RIC8B: variants seen among roughly 807,000 people sequenced by gnomAD.
RIC8B encodes the protein RIC8 guanine nucleotide exchange factor B.
Under a neutral mutation model 57.5 loss-of-function variants are expected in RIC8B, and 16 were observed. The observed-to-expected ratio is 0.28, with a 90% CI of 0.19 to 0.42. The LOEUF (loss-of-function observed/expected upper bound fraction) is 0.42, where lower values mean the gene tolerates loss of function less well. RIC8B is among the 10% of genes least tolerant of loss of function. RIC8B has a pLI of 1.00. For missense variants in RIC8B, 481 were observed against 677.0 expected (o/e 0.71, Z 3.21); for synonymous variants, 216 against 250.8 (o/e 0.86, Z 1.31).
chr12:106,779,692 T>TTA (rs1250781432), intron 1 of RIC8B, among the ~76,000 whole-genome samples: 1 of 151,332 alleles, frequency 6.6e-6, no homozygotes, highest in African/African-American at 2.4e-5. Context: ...TTTTTTTTTT[T>TTA]TTTTTTCAGA....
intron 2 of RIC8B, among the ~76,000 whole-genome samples, chr12:106,805,517 A>C (rs1051784539): frequency 7.2e-5 from 11 of 152,002 alleles, no homozygotes; most frequent in African/African-American, 2.4e-4. Context: ...AACAAAAAAA[A>C]CCCTGTAATT....
chr12:106,792,517 G>T (rs553126898), intron 2 of RIC8B, among the ~76,000 whole-genome samples: 23 of 152,294 alleles, frequency 1.5e-4, no homozygotes, highest in South Asian at 4.1e-4. Context: ...ACAGTGTGAA[G>T]ATCTCTACAG....
At chr12:106,856,532 T>C (rs1380338047) in intron 7 of RIC8B, among the ~76,000 whole-genome samples, 1 of 152,232 alleles carries the variant, frequency 6.6e-6, no homozygotes, top group Non-Finnish European at 1.5e-5. Context: ...TTTGTTACCA[T>C]GGCGAGCTTT....
chr12:106,840,156 T>C (rs2046804783), intron 4 of RIC8B, among the ~76,000 whole-genome samples: 1 of 152,244 alleles, frequency 6.6e-6, no homozygotes, highest in South Asian at 2.1e-4. Flanking sequence ...GCAAGATTTA[T>C]TAACAGCTAT....
intron 2 of RIC8B, among the ~76,000 whole-genome samples, chr12:106,811,956 A>G (rs1025220418): frequency 1.3e-5 from 2 of 152,214 alleles, no homozygotes; most frequent in African/African-American, 4.8e-5. Context: ...TGCCTTTTCA[A>G]CCACTTTTAT....
intron 2 of RIC8B, among the ~76,000 whole-genome samples, chr12:106,806,175 G>T (rs571431729): frequency 2.6e-5 from 4 of 152,142 alleles, no homozygotes; most frequent in Non-Finnish European, 5.9e-5. Context: ...TCGAACTCCC[G>T]ACCTCAGGTG....
At position 106,879,409 on chromosome 12, in the gene RIC8B, G is replaced by A. The variant is rs185433131; in HGVS notation, c.1572-6495G>A. 2.8e-3 allele frequency: 2,731 copies of A among 985,146 alleles called. 6 individuals are homozygous for A. Among genetic ancestry groups the A allele is most frequent in the Middle Eastern group, 0.012 (23 of 1,914 alleles). The allele number at this position is 985,146 out of a possible 1,614,324, so 61.0% of individuals were successfully genotyped here. On this transcript the variant is annotated intron_variant, in intron 9 of 9. Coordinates refer to ENST00000392837, the MANE Select transcript of RIC8B (RefSeq NM_001330145.2). This position sits in a 1 kb window ranked among gnomAD's most constrained non-coding sequence, Gnocchi z 4.9. ...ATTTTTGGGGGAAAGAGTCATATAG[G>A]AACCAGAAGCCCTAAAAAGCAGAAC...
chr12:106,862,173 A>T (rs758050166), intron 8 of RIC8B, among the ~76,000 whole-genome samples: 1 of 151,978 alleles, frequency 6.6e-6, no homozygotes, highest in Admixed American at 6.6e-5. Flanking sequence ...CAGCCTTTGG[A>T]CTTTGCTTAT....
rs184510840 is a variant in RIC8B, at chr12:106,775,350, C to T, written c.84+521C>T. The T allele has an allele frequency of 9.6e-4, 437 of 456,060 alleles. 1 individual carries two copies. Among genetic ancestry groups the T allele is most frequent in the Non-Finnish European group, 1.7e-3 (376 of 226,802 alleles). 28.3% of individuals were successfully genotyped at this position (456,060 alleles called of 1,614,324 possible). On this transcript the variant is annotated intron_variant, in intron 1 of 9. Transcript: ENST00000392837. ...GTGTTTATAGGGTAGATGGTATCAT[C>T]CTCCCCATTTTATAGATGAGGAAAC...
chr12:106,779,595 A>T (rs1385754904), intron 1 of RIC8B, among the ~76,000 whole-genome samples: 1 of 151,886 alleles, frequency 6.6e-6, no homozygotes, highest in Non-Finnish European at 1.5e-5. Context: ...TGGTATACAA[A>T]TAGTTGTACT....
chr12:106,780,071 C>G (rs539924841), intron 1 of RIC8B, among the ~76,000 whole-genome samples: 1 of 152,116 alleles, frequency 6.6e-6, no homozygotes, highest in South Asian at 2.1e-4. Context: ...TCATGATTAT[C>G]AACAACAAAC....
intron 7 of RIC8B, among the ~76,000 whole-genome samples, chr12:106,856,449 C>T (rs1468448762): frequency 1.3e-5 from 2 of 152,172 alleles, no homozygotes; most frequent in African/African-American, 4.8e-5. Flanking sequence ...CCTGATTATA[C>T]TGCACCATTT....
chr12:106,788,055 G>A (rs1333763581), intron 2 of RIC8B, among the ~76,000 whole-genome samples: 1 of 152,132 alleles, frequency 6.6e-6, no homozygotes, highest in African/African-American at 2.4e-5. Flanking sequence ...AGATACAGTG[G>A]GGGTACAGGC....
intron 6 of RIC8B, among the ~76,000 whole-genome samples, chr12:106,850,837 C>A (rs1184372003): frequency 1.3e-5 from 2 of 152,162 alleles, no homozygotes; most frequent in East Asian, 3.9e-4. Flanking sequence ...GCTCCCAAAT[C>A]TGCAACTTTT....
At chr12:106,794,763 G>A (rs957640154) in intron 2 of RIC8B, among the ~76,000 whole-genome samples, 8 of 152,132 alleles carry the variant, frequency 5.3e-5, no homozygotes, top group African/African-American at 1.4e-4. Flanking sequence ...CACCTTACAA[G>A]ACTTAATAAA....
At chr12:106,840,049 G>A (rs2046800949) in intron 4 of RIC8B, among the ~76,000 whole-genome samples, 1 of 151,998 alleles carries the variant, frequency 6.6e-6, no homozygotes, top group Non-Finnish European at 1.5e-5. Context: ...AGGGCAAAAG[G>A]AAAATCTTTT....
chr12:106,849,431 G>A (rs998806401), intron 6 of RIC8B, among the ~76,000 whole-genome samples: 5 of 150,078 alleles, frequency 3.3e-5, no homozygotes, highest in Non-Finnish European at 7.4e-5. Flanking sequence ...GGGATTACAG[G>A]TGTGAGCTAC....
chr12:106,783,508 G>A (rs2043858645), intron 1 of RIC8B, among the ~76,000 whole-genome samples: 1 of 152,144 alleles, frequency 6.6e-6, no homozygotes, highest in Admixed American at 6.5e-5. Context: ...CAGCAGCATC[G>A]GAAGGCCCTT....
chr12:106,871,780 G>A (rs2136604127), intron 9 of RIC8B, among the ~76,000 whole-genome samples: 1 of 152,266 alleles, frequency 6.6e-6, no homozygotes, highest in Non-Finnish European at 1.5e-5. Flanking sequence ...CACAGTAACT[G>A]TGTAAAGGCT....
Sources: gnomAD v4.1 joint callset for allele counts (sites outside exome capture counted in the v4.1 genomes callset) on GRCh38, gnomAD v4.1.1 for gene constraint, Gnocchi (gnomAD v3.1) non-coding constraint, MANE v1.5 for transcripts, NCBI Gene and HGNC (gene_info 2026-07-23, HGNC 2026-07-21) for gene names.